Variants in OSTF1 observed in about 807,000 individuals in gnomAD.
OSTF1 encodes osteoclast-stimulating factor 1.
OSTF1 carries 27 observed loss-of-function variants against 37.2 expected under a neutral mutation model. That is an observed-to-expected ratio of 0.73 (90% CI 0.54 to 1.00). The LOEUF is 1.00. Ranked by LOEUF, OSTF1 falls within the 50% of genes least tolerant of loss-of-function variation. The probability of loss-of-function intolerance (pLI) is 0.00; values close to 1 mark genes in which losing one functional copy is unlikely to be tolerated. For synonymous variants in OSTF1, 82 were observed against 89.2 expected (o/e 0.92, Z 0.46); for missense variants, 232 against 253.8 (o/e 0.91, Z 0.58).
At chr9:75,116,546 C>T (rs912099994) in intron 1 of OSTF1, among the ~76,000 whole-genome samples, 1 of 151,034 alleles carries the variant, frequency 6.6e-6, no homozygotes, top group Non-Finnish European at 1.5e-5. Flanking sequence ...AGGCATGTGA[C>T]CTTGTTGCCT....
At chr9:75,092,187 G>C (rs1303349256) in intron 1 of OSTF1, among the ~76,000 whole-genome samples, 1 of 152,230 alleles carries the variant, frequency 6.6e-6, no homozygotes, top group Non-Finnish European at 1.5e-5. Context: ...CATCTTTCTG[G>C]CTGATCAGCA....
At chr9:75,101,742 C>G (rs1825196933) in intron 1 of OSTF1, among the ~76,000 whole-genome samples, 1 of 152,158 alleles carries the variant, frequency 6.6e-6, no homozygotes, top group African/African-American at 2.4e-5. Context: ...ACCAACTTGG[C>G]CCCTGTGTAT....
intron 1 of OSTF1, among the ~76,000 whole-genome samples, chr9:75,101,238 A>T (rs1825187944): frequency 6.6e-6 from 1 of 152,148 alleles, no homozygotes; most frequent in East Asian, 1.9e-4. Flanking sequence ...GCGTCAGGTC[A>T]GGTAGGTCAG....
chr9:75,142,494 A>G (rs564185944), intron 9 of OSTF1, among the ~76,000 whole-genome samples: 52 of 152,188 alleles, frequency 3.4e-4, no homozygotes, highest in African/African-American at 1.1e-3. Flanking sequence ...AATGCATGCT[A>G]TGAGCTCCAT....
At chr9:75,127,062 C>T (rs1825673455) in intron 2 of OSTF1, among the ~76,000 whole-genome samples, 4 of 152,144 alleles carry the variant, frequency 2.6e-5, no homozygotes, top group Admixed American at 2.0e-4. Context: ...TTTTCTCATA[C>T]AGAAAATGTT....
At chr9:75,098,732 C>G (rs1825134462) in intron 1 of OSTF1, among the ~76,000 whole-genome samples, 2 of 152,142 alleles carry the variant, frequency 1.3e-5, no homozygotes, top group Admixed American at 1.3e-4. Context: ...TTCCCCATCT[C>G]TTTTGGAGGT....
At chr9:75,138,166 T>C (rs557741764) in intron 8 of OSTF1, among the ~76,000 whole-genome samples, 2 of 152,312 alleles carry the variant, frequency 1.3e-5, no homozygotes, top group East Asian at 1.9e-4. Flanking sequence ...CCCACAAATA[T>C]TAGTTTACTC....
At chr9:75,110,786 C>T (rs1373478194) in intron 1 of OSTF1, among the ~76,000 whole-genome samples, 6 of 151,902 alleles carry the variant, frequency 3.9e-5, no homozygotes, top group African/African-American at 1.5e-4. Flanking sequence ...TCATGGCTCA[C>T]TGCAGCCTTG....
chr9:75,128,403 TA>T (rs1825698724), intron 3 of OSTF1, among the ~76,000 whole-genome samples: 1 of 87,372 alleles, frequency 1.1e-5, no homozygotes, highest in Admixed American at 1.2e-4. Flanking sequence ...TATATATATA[TA>T]TATTTTGTCC....
chr9:75,126,166 C>T (rs556132379), intron 2 of OSTF1, among the ~76,000 whole-genome samples: 2 of 152,186 alleles, frequency 1.3e-5, no homozygotes, highest in African/African-American at 4.8e-5. Context: ...CTGCCCGCCT[C>T]AGCCTCCCAA....
chr9:75,102,852 G>A (rs2118428625), intron 1 of OSTF1, among the ~76,000 whole-genome samples: 2 of 152,308 alleles, frequency 1.3e-5, no homozygotes, highest in South Asian at 4.1e-4. Flanking sequence ...GATCATGAAA[G>A]CCTCCTCACT....
chr9:75,127,905 A>AT (rs1825686170), intron 3 of OSTF1, among the ~76,000 whole-genome samples: 2 of 152,056 alleles, frequency 1.3e-5, no homozygotes, highest in African/African-American at 4.8e-5. Flanking sequence ...TGAAAAAAAA[A>AT]GCAAAGTGAG....
At chr9:75,094,436 G>A (rs1271636373) in intron 1 of OSTF1, among the ~76,000 whole-genome samples, 1 of 148,940 alleles carries the variant, frequency 6.7e-6, no homozygotes, top group Non-Finnish European at 1.5e-5. Context: ...GGCTTTTCTT[G>A]TAGCTTTACT....
chr9:75,146,330 C>T (rs778054580), intron 9 of OSTF1, among the ~76,000 whole-genome samples: 3 of 152,246 alleles, frequency 2.0e-5, no homozygotes, highest in Non-Finnish European at 4.4e-5. Flanking sequence ...GGCAAGACCT[C>T]AGGCTGTCAC....
chr9:75,122,842 A>G (rs1825602225), intron 2 of OSTF1, among the ~76,000 whole-genome samples: 1 of 152,230 alleles, frequency 6.6e-6, no homozygotes, highest in Non-Finnish European at 1.5e-5. Context: ...GAATAAAAAC[A>G]TCTGTGGAGA....
At chr9:75,097,078 A>G (rs530811807) in intron 1 of OSTF1, among the ~76,000 whole-genome samples, 78 of 152,300 alleles carry the variant, frequency 5.1e-4, no homozygotes, top group Middle Eastern at 3.4e-3. Flanking sequence ...TCAGGCAAGG[A>G]AAGTGTCCAT....
chr9:75,096,646 A>C (rs1825091707), intron 1 of OSTF1, among the ~76,000 whole-genome samples: 1 of 152,210 alleles, frequency 6.6e-6, no homozygotes, highest in African/African-American at 2.4e-5. Flanking sequence ...CCCAGCCAGG[A>C]CTTACTGCCA....
intron 1 of OSTF1, 79 bp downstream of exon 1, chr9:75,088,805 G>T: frequency 7.1e-7 from 1 of 1,412,096 alleles, no homozygotes; most frequent in Non-Finnish European, 9.8e-7. Flanking sequence ...TTGGCAGGGA[G>T]GACCCGGCGC....
chr9:75,141,312 C>CAAAAAAAAAAA (rs529293090), intron 9 of OSTF1, among the ~76,000 whole-genome samples: 58 of 71,670 alleles, frequency 8.1e-4, no homozygotes, highest in Non-Finnish European at 1.1e-3. Flanking sequence ...AAAAGAAAAC[C>CAAAAAAAAAAA]AAAAAAAAAA....
Sources: gnomAD v4.1 joint callset for allele counts (sites outside exome capture counted in the v4.1 genomes callset) on GRCh38, gnomAD v4.1.1 for gene constraint, MANE v1.5 for transcripts, NCBI Gene and HGNC (gene_info 2026-07-23, HGNC 2026-07-21) for gene names.